Variants in GALNT13 observed in about 807,000 individuals in gnomAD.
The protein encoded by GALNT13 is UDP-GalNAc:polypeptide N-acetylgalactosaminyltransferase 13.
In GALNT13, 28 loss-of-function variants were observed where a neutral mutation model predicts 64.2. The ratio of observed to expected loss-of-function variants is 0.44; its 90% confidence interval spans 0.32 to 0.60. The LOEUF is 0.60. Ranked by LOEUF, GALNT13 falls within the 20% of genes least tolerant of loss-of-function variation. GALNT13 has a pLI of 0.05. For synonymous variants in GALNT13, 214 were observed against 224.6 expected, an observed-to-expected ratio of 0.95 and a Z score of 0.42; for missense variants, 577 against 669.8, an observed-to-expected ratio of 0.86 and a Z score of 1.53.
the GALNT13 span, among the ~76,000 whole-genome samples, chr2:153,517,232 T>TTAGAG: frequency 6.6e-5 from 10 of 152,204 alleles, no homozygotes; most frequent in Non-Finnish European, 1.3e-4. Context: ...ACCATGAAAC[T>TTAGAG]GTATATGCTT....
chr2:154,050,795 C>G (rs941388986), intron 3 of GALNT13, among the ~76,000 whole-genome samples: 4 of 152,090 alleles, frequency 2.6e-5, no homozygotes, highest in African/African-American at 9.7e-5. Flanking sequence ...TACACACTCA[C>G]CATCTTCAAA....
At chr2:154,320,483 G>T (rs35880538) in intron 9 of GALNT13, among the ~76,000 whole-genome samples, 30,204 of 152,088 alleles carry the variant, frequency 0.2, 3,377 homozygotes, top group Middle Eastern at 0.35. Context: ...ATGTTGCCCA[G>T]AAATGTTTAT....
At chr2:154,211,811 T>A (rs1274422834) in intron 4 of GALNT13, among the ~76,000 whole-genome samples, 1 of 151,886 alleles carries the variant, frequency 6.6e-6, no homozygotes, top group African/African-American at 2.4e-5. Context: ...AGATAAGATA[T>A]CCCAAGAAGT....
the GALNT13 span, among the ~76,000 whole-genome samples, chr2:153,642,403 G>T: frequency 1.3e-5 from 2 of 151,474 alleles, no homozygotes; most frequent in Admixed American, 6.6e-5. Context: ...TCTAAACAAA[G>T]AATAAAAATA....
the GALNT13 span, among the ~76,000 whole-genome samples, chr2:153,757,324 A>G: frequency 6.6e-6 from 1 of 152,038 alleles, no homozygotes; most frequent in Admixed American, 6.6e-5. Flanking sequence ...CCACACTCAT[A>G]TATGTTGTTG....
At chr2:153,435,395 A>C in the GALNT13 span, among the ~76,000 whole-genome samples, 44 of 152,230 alleles carry the variant, frequency 2.9e-4, 1 homozygote, top group South Asian at 2.1e-4. Context: ...TGGGGATGGC[A>C]TTGAATCTAT....
chr2:153,222,726 G>C, the GALNT13 span, among the ~76,000 whole-genome samples: 162 of 152,332 alleles, frequency 1.1e-3, no homozygotes, highest in Non-Finnish European at 2.1e-3. Flanking sequence ...TGGTGTGTCA[G>C]CGCTGCCCGG....
chr2:153,205,187 T>TC, the GALNT13 span, among the ~76,000 whole-genome samples: 1 of 151,858 alleles, frequency 6.6e-6, no homozygotes, highest in South Asian at 2.1e-4. Context: ...GTTTTTTTTT[T>TC]TTTTTTGTAA....
the GALNT13 span, among the ~76,000 whole-genome samples, chr2:153,595,297 G>A: frequency 6.1e-5 from 9 of 147,446 alleles, no homozygotes; most frequent in Non-Finnish European, 1.3e-4. Flanking sequence ...TAGAGACCAC[G>A]TGCCAAATAA....
At chr2:153,379,557 C>T in the GALNT13 span, among the ~76,000 whole-genome samples, 50 of 152,234 alleles carry the variant, frequency 3.3e-4, 1 homozygote, top group Middle Eastern at 6.8e-3. Context: ...GTTTCATTTA[C>T]TCTGATTAGG....
chr2:154,157,790 A>G (rs1684508541), intron 4 of GALNT13, among the ~76,000 whole-genome samples: 1 of 152,162 alleles, frequency 6.6e-6, no homozygotes, highest in Admixed American at 6.6e-5. Context: ...CTATGGTGCT[A>G]TATTTAACAG....
At chr2:153,718,446 GTT>G in the GALNT13 span, among the ~76,000 whole-genome samples, 1 of 149,516 alleles carries the variant, frequency 6.7e-6, no homozygotes, top group Non-Finnish European at 1.5e-5. Flanking sequence ...GTTTTGTTTT[GTT>G]TTGTTTTTAA....
chr2:153,656,284 T>G, the GALNT13 span, among the ~76,000 whole-genome samples: 1 of 151,686 alleles, frequency 6.6e-6, no homozygotes, highest in East Asian at 1.9e-4. Flanking sequence ...ATTGCTTTGT[T>G]ATATGTTTGA....
chr2:153,776,952 A>C, the GALNT13 span, among the ~76,000 whole-genome samples: 1 of 152,238 alleles, frequency 6.6e-6, no homozygotes, highest in Non-Finnish European at 1.5e-5. Flanking sequence ...TCTCATGGTG[A>C]AAAGTGGTTC....
At chr2:153,338,268 A>T in the GALNT13 span, among the ~76,000 whole-genome samples, 2 of 152,104 alleles carry the variant, frequency 1.3e-5, no homozygotes, top group Non-Finnish European at 2.9e-5. Flanking sequence ...ACTCCAGCCT[A>T]GGTGACAGAG....
the GALNT13 span, among the ~76,000 whole-genome samples, chr2:153,124,848 A>T: frequency 6.6e-6 from 1 of 152,182 alleles, no homozygotes; most frequent in Non-Finnish European, 1.5e-5. Context: ...ATCTCTGCTT[A>T]ATAACTAGGG....
At chr2:154,240,776 A>G (rs1013935037) in intron 4 of GALNT13, among the ~76,000 whole-genome samples, 2 of 152,160 alleles carry the variant, frequency 1.3e-5, no homozygotes, top group African/African-American at 2.4e-5. Context: ...GACTTTCTGT[A>G]TCCGGGGTTC....
the GALNT13 span, among the ~76,000 whole-genome samples, chr2:153,152,850 A>C: frequency 1.3e-5 from 2 of 152,146 alleles, no homozygotes; most frequent in African/African-American, 4.8e-5. Flanking sequence ...GCTATTGTGA[A>C]TAGAGCTGCA....
At chr2:153,207,405 A>G in the GALNT13 span, among the ~76,000 whole-genome samples, 1 of 152,068 alleles carries the variant, frequency 6.6e-6, no homozygotes, top group Non-Finnish European at 1.5e-5. Flanking sequence ...GTGTTCTTTC[A>G]TCAGAATATG....
Sources: allele counts gnomAD v4.1 joint callset (sites outside exome capture counted in the v4.1 genomes callset), GRCh38; gene constraint gnomAD v4.1.1; transcripts MANE v1.5; gene names NCBI Gene and HGNC (gene_info 2026-07-23, HGNC 2026-07-21).